Variants in DYNLRB2 observed in about 807,000 individuals in gnomAD.
DYNLRB2 encodes the protein bithoraxoid-like protein.
In DYNLRB2, 14 loss-of-function variants were observed where a neutral mutation model predicts 12.6. The ratio of observed to expected loss-of-function variants is 1.11; its 90% CI spans 0.73 to 1.73. The LOEUF (loss-of-function observed/expected upper bound fraction) is 1.73. DYNLRB2 is among the 40% of genes most tolerant of loss of function. The pLI is 0.00. For missense variants in DYNLRB2, 142 were observed against 117.7 expected, an observed-to-expected ratio of 1.21 and a Z score of -0.95; for synonymous variants, 53 against 37.0, an observed-to-expected ratio of 1.43 and a Z score of -1.57.
At position 80,550,561 on chromosome 16, in the gene DYNLRB2, C is replaced by T; in HGVS notation, c.*3C>T. Reference sequence around the variant, plus strand: ...TCATTCAGAATCCATGTGAATAGACCTGCGATGGCCAAGGCTGTTTAAGCG... The same window carrying T: ...TCATTCAGAATCCATGTGAATAGACTTGCGATGGCCAAGGCTGTTTAAGCG... On this transcript the variant is annotated 3_prime_UTR_variant, in exon 4 of 4. Transcript: ENST00000305904. 6.2e-7 allele frequency: 1 copy of T among 1,614,152 alleles called. No individual in the cohort carries two copies. The highest frequency in any genetic ancestry group is 8.5e-7 in the Non-Finnish European group (1 of 1,180,016).
At chr16:80,543,237 A>G in intron 1 of DYNLRB2, 39 bp from the exon 2 acceptor site, 1 of 1,589,306 alleles carries the variant, frequency 6.3e-7, no homozygotes. Context: ...AAGTTACCAC[A>G]GGGCCCTTTT....
chr16:80,543,664 A>C (rs189459995), intron 2 of DYNLRB2, among the ~76,000 whole-genome samples: 1 of 152,334 alleles, frequency 6.6e-6, no homozygotes, highest in Admixed American at 6.5e-5. Flanking sequence ...CAATAAAACT[A>C]TCATATAGAA....
At chr16:80,544,776 C>A in intron 2 of DYNLRB2, 1 of 152,200 alleles carries the variant, frequency 6.6e-6, no homozygotes, top group Non-Finnish European at 1.5e-5. Flanking sequence ...GAGGACCATT[C>A]CTTACCTCTT....
Position 80,550,543 on chromosome 16 carries a change from G to A in DYNLRB2, c.276G>A (p.Gln92=). 6.2e-7 allele frequency: 1 copy of A among 1,614,164 alleles called. No homozygotes were observed. The highest frequency in any genetic ancestry group is 1.1e-5 in the South Asian group (1 of 91,090). The part of the protein sequence containing the change: ...PDKEYLLIVI[Q]NPCE Reference sequence around the variant, plus strand: ...AGGAATATCTTCTGATCGTCATTCAGAATCCATGTGAATAGACCTGCGATG... The same window carrying A: ...AGGAATATCTTCTGATCGTCATTCAAAATCCATGTGAATAGACCTGCGATG... Residue 92 remains glutamine (Q), a synonymous_variant, in exon 4 of 4, where the codon CAG becomes CAA. Transcript: ENST00000305904.
chr16:80,543,804 C>T (rs1044970155), intron 2 of DYNLRB2, among the ~76,000 whole-genome samples: 5 of 152,154 alleles, frequency 3.3e-5, no homozygotes, highest in South Asian at 2.1e-4. Flanking sequence ...TGAGAATTAA[C>T]GATATCATTT....
In DYNLRB2 at chr16:80,549,483, G is replaced by A. The variant is rs1335862877; in HGVS notation, c.80-1G>A. 6.3e-7 allele frequency: 1 copy of A among 1,590,604 alleles called. No homozygotes were observed. The highest frequency in any genetic ancestry group is 8.6e-7 in the Non-Finnish European group (1 of 1,165,560). The stretch of plus-strand genomic sequence containing the variant: ...TTAACCAAAATTAAATTTCATAATA[G>A]GTATTCCCATCCGAACAACCTTGGA... On this transcript the variant is annotated splice_acceptor_variant, in intron 2 of 3. Coordinates refer to ENST00000305904, the MANE Select transcript of DYNLRB2 (RefSeq NM_130897.3). LOFTEE classifies it high-confidence loss of function.
At chr16:80,548,119 G>T (rs28531767) in intron 2 of DYNLRB2, 1 of 217,444 alleles carries the variant, frequency 4.6e-6, no homozygotes, top group African/African-American at 2.4e-5. Flanking sequence ...CTCATTTCTT[G>T]AGTGCCCTTA....
intron 2 of DYNLRB2, chr16:80,549,237 A>G: frequency 2.4e-6 from 1 of 424,238 alleles, no homozygotes; most frequent in Non-Finnish European, 4.3e-6. Flanking sequence ...GACAACTTGT[A>G]TGTTATAATT....
Position 80,542,825 on chromosome 16 carries a change from C to T in DYNLRB2, c.4-451C>T, listed in dbSNP as rs183465161. ...TCACATTAATGAAAATAAGATTTCTCAATAAGGACTACTTTTAGACAGAGG... is the reference window on the plus strand; with the variant it reads ...TCACATTAATGAAAATAAGATTTCTTAATAAGGACTACTTTTAGACAGAGG... On this transcript the variant is annotated intron_variant, in intron 1 of 3. Coordinates refer to ENST00000305904, the MANE Select transcript of DYNLRB2 (RefSeq NM_130897.3). Among the ~76,000 whole-genome samples, 768 of 152,230 alleles carry T rather than the reference C, an allele frequency of 5.0e-3. 3 individuals are homozygous for T. Among genetic ancestry groups the T allele is most frequent in the Non-Finnish European group, 7.5e-3 (510 of 68,012 alleles).
intron 3 of DYNLRB2, 123 bp from the exon 4 acceptor site, chr16:80,550,392 G>A (rs1483522689): frequency 2.3e-5 from 24 of 1,061,700 alleles, no homozygotes; most frequent in Non-Finnish European, 3.1e-5. Context: ...GTGCAGATAG[G>A]GTGGGAAACC....
At chr16:80,547,705 G>T in intron 2 of DYNLRB2, 1 of 453,262 alleles carries the variant, frequency 2.2e-6, no homozygotes, top group Non-Finnish European at 4.4e-6. Flanking sequence ...TCGTCAAAAA[G>T]TTCCCATCAA....
In DYNLRB2 at chr16:80,543,371, T is replaced by C. The variant is rs750669262; in HGVS notation, c.79+20T>C. The C allele has an allele frequency of 1.2e-6, 2 of 1,612,996 alleles. No homozygotes were observed. Among genetic ancestry groups the C allele is most frequent in the South Asian group, 1.1e-5 (1 of 90,934 alleles). On this transcript the variant is annotated intron_variant, in intron 2 of 3. Coordinates refer to ENST00000305904, the MANE Select transcript of DYNLRB2 (RefSeq NM_130897.3). ...CAGAAGGTAAATATATCACAGGCTGTCTTCTTGACACACAGAAGCCAACCA... is the reference window on the plus strand; with the variant it reads ...CAGAAGGTAAATATATCACAGGCTGCCTTCTTGACACACAGAAGCCAACCA...
intron 2 of DYNLRB2, among the ~76,000 whole-genome samples, chr16:80,547,171 T>A (rs1329255370): frequency 6.6e-6 from 1 of 152,188 alleles, no homozygotes; most frequent in African/African-American, 2.4e-5. Flanking sequence ...GATGAGTGAC[T>A]TATGTGTACT....
chr16:80,548,184 C>T (rs1047327437), intron 2 of DYNLRB2: 4 of 165,476 alleles, frequency 2.4e-5, no homozygotes, highest in Non-Finnish European at 5.2e-5. Flanking sequence ...CATATCTCCT[C>T]CTAAAATAAA....
intron 2 of DYNLRB2, chr16:80,549,095 G>A (rs1189856114): frequency 4.5e-6 from 2 of 446,050 alleles, no homozygotes; most frequent in Non-Finnish European, 4.5e-6. Flanking sequence ...GCACAAAAAT[G>A]TTCATCATCA....
upstream of DYNLRB2, chr16:80,540,787 G>C (rs1295764754): frequency 8.5e-6 from 6 of 704,084 alleles, no homozygotes; most frequent in Admixed American, 1.0e-4. Flanking sequence ...ACAAACACAG[G>C]CCGGGAGCCT....
chr16:80,541,224 G>A (rs575252004), intron 1 of DYNLRB2, 145 bp downstream of exon 1: 2 of 1,429,038 alleles, frequency 1.4e-6, no homozygotes, highest in Non-Finnish European at 1.9e-6. Flanking sequence ...CTTCCTGGAG[G>A]GGCGAGAGGG....
chr16:80,550,515 A>G lies in DYNLRB2; in HGVS notation c.248A>G (p.Asp83Gly), dbSNP rs774886581. ...ATTGATTTTATCCATCTCTCCATAG[A>G]TAAGGAATATCTTCTGATCGTCATT... is the stretch of plus-strand genomic sequence containing the variant. Reference protein sequence around the residue: ...SKKHEIMVAPDKEYLLIVIQN... With the variant: ...SKKHEIMVAPGKEYLLIVIQN... The change falls in exon 4 of 4, where the codon GAT (aspartate) becomes GGT (glycine). Residue 83 changes from aspartate to glycine, a missense_variant and splice_region_variant. Coordinates refer to ENST00000305904, the MANE Select transcript of DYNLRB2 (RefSeq NM_130897.3). The G allele has an allele frequency of 1.1e-4, 183 of 1,614,188 alleles. No homozygotes were observed. Among genetic ancestry groups the G allele is most frequent in the South Asian group, 6.3e-4 (57 of 91,082 alleles).
rs762714884 is a variant in DYNLRB2 at position 80,541,035 on chromosome 16, G to A, written c.-42G>A. ...GGTAGCGTTGTTGACATCCCGGGAGGCTGTGCCGCCGGCCTGAGCCCAGAG... is the reference window on the plus strand; with the variant it reads ...GGTAGCGTTGTTGACATCCCGGGAGACTGTGCCGCCGGCCTGAGCCCAGAG... On this transcript the variant is annotated 5_prime_UTR_variant, in exon 1 of 4. Coordinates refer to ENST00000305904, the MANE Select transcript of DYNLRB2 (RefSeq NM_130897.3). 5 of 1,602,494 alleles carry A rather than the reference G, an allele frequency of 3.1e-6. 1 individual carries two copies. Among genetic ancestry groups the A allele is most frequent in the East Asian group, 2.2e-5 (1 of 44,702 alleles).
Sources: gnomAD v4.1 joint callset for allele counts (sites outside exome capture counted in the v4.1 genomes callset) on GRCh38, gnomAD v4.1.1 for gene constraint, MANE v1.5 for transcripts, NCBI Gene and HGNC (gene_info 2026-07-23, HGNC 2026-07-21) for gene names.